Variants in DLG2 observed in about 807,000 individuals in gnomAD.
DLG2 encodes the protein discs large MAGUK scaffold protein 2, also known as disks large homolog 2.
A neutral mutation model predicts 132.5 loss-of-function variants in DLG2; 45 were observed. That is an observed-to-expected ratio of 0.34 (90% CI 0.27 to 0.44). The LOEUF is 0.44. Among genes scored for constraint, DLG2 ranks in the 20% least tolerant of loss-of-function variants. DLG2 has a pLI of 1.00. For synonymous variants in DLG2, 424 were observed against 419.6 expected (o/e 1.01, Z -0.13); for missense variants, 1,045 against 1,196.9 (o/e 0.87, Z 1.87).
At position 85,161,145 on chromosome 11, in the gene DLG2, G is replaced by A. The variant is rs577189612; in HGVS notation, c.187-6494C>T. ...CAAAAACCGTGAAGATATTTGTATCGCATGGGATTGCTCTCCAATGAGTGA... is the reference window on the plus strand; with the variant it reads ...CAAAAACCGTGAAGATATTTGTATCACATGGGATTGCTCTCCAATGAGTGA... On this transcript the variant is annotated intron_variant, in intron 4 of 27. Coordinates refer to ENST00000376104, the MANE Select transcript of DLG2 (RefSeq NM_001142699.3). Among the ~76,000 whole-genome samples, 17 of 152,290 alleles carry A rather than the reference G, an allele frequency of 1.1e-4. No homozygotes were observed. The South Asian group carries it at 2.1e-3, about 19-fold the overall frequency.
At chr11:84,288,924 C>T (rs544159776) in intron 7 of DLG2, among the ~76,000 whole-genome samples, 2 of 152,190 alleles carry the variant, frequency 1.3e-5, no homozygotes, top group South Asian at 4.1e-4. Context: ...TTAAATATTG[C>T]TCATGCACAG....
At chr11:85,021,179 C>T (rs370991814) in intron 6 of DLG2, 3 of 988,120 alleles carry the variant, frequency 3.0e-6, no homozygotes, top group East Asian at 2.4e-5. Context: ...TTGAAGCCAG[C>T]TTTTTCCCTT....
At chr11:83,473,806 C>G (rs530724254) in intron 22 of DLG2, among the ~76,000 whole-genome samples, 1 of 152,084 alleles carries the variant, frequency 6.6e-6, no homozygotes, top group East Asian at 1.9e-4. Flanking sequence ...GGTTTTCCTC[C>G]TTCAACAGCC....
At chr11:83,602,124 G>A (rs2058665104) in intron 19 of DLG2, among the ~76,000 whole-genome samples, 1 of 152,170 alleles carries the variant, frequency 6.6e-6, no homozygotes, top group African/African-American at 2.4e-5. Context: ...CATGTTTCTG[G>A]ATTTCAAATA....
chr11:84,869,445 G>A (rs1052445882), intron 6 of DLG2, among the ~76,000 whole-genome samples: 1 of 152,142 alleles, frequency 6.6e-6, no homozygotes, highest in Admixed American at 6.5e-5. Flanking sequence ...TTTTAAATTA[G>A]TGTGGCTCTG....
intron 15 of DLG2, among the ~76,000 whole-genome samples, chr11:83,877,903 T>C (rs182927732): frequency 5.3e-5 from 8 of 152,304 alleles, no homozygotes; most frequent in Admixed American, 5.2e-4. Context: ...ACCAAACATT[T>C]TTCCCTTCGG....
chr11:84,967,762 T>G (rs1052494608), intron 6 of DLG2, among the ~76,000 whole-genome samples: 1 of 152,106 alleles, frequency 6.6e-6, no homozygotes, highest in African/African-American at 2.4e-5. Context: ...AAAGCAATTC[T>G]CAAAGACTGA....
At chr11:85,020,763 C>T (rs755008606) in intron 6 of DLG2, 23 of 684,082 alleles carry the variant, frequency 3.4e-5, no homozygotes, top group Non-Finnish European at 5.2e-5. Context: ...ATTTCTAAAC[C>T]CTGCTATGTG....
At chr11:85,234,512 T>G (rs2075474987) in intron 4 of DLG2, among the ~76,000 whole-genome samples, 1 of 152,036 alleles carries the variant, frequency 6.6e-6, no homozygotes, top group East Asian at 1.9e-4. Flanking sequence ...GGTTTAGTAA[T>G]GCACCTGATC....
At chr11:83,670,403 T>C (rs1328767572) in intron 18 of DLG2, among the ~76,000 whole-genome samples, 1 of 151,980 alleles carries the variant, frequency 6.6e-6, no homozygotes, top group Non-Finnish European at 1.5e-5. Flanking sequence ...CCATCACTGG[T>C]GACTCTATAT....
chr11:85,113,027 G>C lies in DLG2; in HGVS notation c.283-1292C>G, dbSNP rs573770323. On this transcript the variant is annotated intron_variant, in intron 5 of 27. Coordinates refer to ENST00000376104, the MANE Select transcript of DLG2 (RefSeq NM_001142699.3). Reference sequence around the variant, plus strand: ...CTTTATTTGGTTGATCTATTTTTAAGGCATCACTAAGCCCTAAAATGCTGT... The same window carrying C: ...CTTTATTTGGTTGATCTATTTTTAACGCATCACTAAGCCCTAAAATGCTGT... 4.6e-5 allele frequency among the ~76,000 whole-genome samples: 7 copies of C among 152,054 alleles called. No individual in the cohort carries two copies. The South Asian group carries it at 1.2e-3, about 27-fold the overall frequency.
chr11:85,595,460 T>C (rs1355507714), intron 3 of DLG2, among the ~76,000 whole-genome samples: 1 of 152,184 alleles, frequency 6.6e-6, no homozygotes, highest in African/African-American at 2.4e-5. Flanking sequence ...AATGTTTCCT[T>C]AGTATTACCA....
At chr11:83,621,455 AC>A (rs2061626971) in intron 19 of DLG2, among the ~76,000 whole-genome samples, 1 of 152,106 alleles carries the variant, frequency 6.6e-6, no homozygotes, top group African/African-American at 2.4e-5. Context: ...AGAGGCAGAA[AC>A]TTTTGCAGAA....
intron 6 of DLG2, among the ~76,000 whole-genome samples, chr11:84,620,214 A>G (rs1405444567): frequency 6.6e-6 from 1 of 151,888 alleles, no homozygotes; most frequent in African/African-American, 2.4e-5. Context: ...AGCATTGCAG[A>G]TAAGTAAGGG....
At chr11:84,027,040 T>TA (rs1473128995) in intron 11 of DLG2, among the ~76,000 whole-genome samples, 1 of 152,046 alleles carries the variant, frequency 6.6e-6, no homozygotes, top group Non-Finnish European at 1.5e-5. Context: ...AGGGTGGGTC[T>TA]AAAATAAACT....
At chr11:83,775,852 G>A (rs2094560002) in intron 18 of DLG2, among the ~76,000 whole-genome samples, 1 of 151,986 alleles carries the variant, frequency 6.6e-6, no homozygotes, top group Admixed American at 6.5e-5. Context: ...CAGCACCTTG[G>A]GAGGCCAAGG....
rs536798556 is a variant in DLG2 at position 83,831,767 on chromosome 11, C to T, written c.1722+1847G>A. 1.2e-4 allele frequency among the ~76,000 whole-genome samples: 18 copies of T among 152,180 alleles called. No homozygotes were observed. The East Asian group carries it at 2.7e-3, about 23-fold the overall frequency. On this transcript the variant is annotated intron_variant, in intron 17 of 27. Transcript: ENST00000376104. ...AGTACTGGCTCCTTATGTAACCCTC[C>T]GTTATTATTTTCATGATTAGTAAAA...
At chr11:83,995,786 A>C (rs2093990850) in intron 11 of DLG2, among the ~76,000 whole-genome samples, 1 of 152,204 alleles carries the variant, frequency 6.6e-6, no homozygotes, top group African/African-American at 2.4e-5. Flanking sequence ...GAAGAATGAA[A>C]CTAGACCCCT....
intron 18 of DLG2, among the ~76,000 whole-genome samples, chr11:83,670,376 A>G (rs2076628704): frequency 8.3e-6 from 1 of 120,632 alleles, no homozygotes; most frequent in South Asian, 2.6e-4. Context: ...GGTTCTGGAC[A>G]TACAGAAAAA....
Sources: gnomAD v4.1 joint callset for allele counts (sites outside exome capture counted in the v4.1 genomes callset) on GRCh38, gnomAD v4.1.1 for gene constraint, MANE v1.5 for transcripts, NCBI Gene and HGNC (gene_info 2026-07-23, HGNC 2026-07-21) for gene names.